STK33: variants seen among roughly 807,000 people sequenced by gnomAD.
The protein encoded by STK33 is serine/threonine kinase 33.
STK33 carries 52 observed loss-of-function variants against 58.0 expected under a neutral mutation model. The ratio of observed to expected loss-of-function variants is 0.90; its 90% confidence interval spans 0.72 to 1.13. The LOEUF (loss-of-function observed/expected upper bound fraction) is 1.13, where lower values mean the gene tolerates loss of function less well. Ranked by LOEUF, STK33 falls within the 50% of genes most tolerant of loss-of-function variation. The pLI is 0.00. For missense variants in STK33, 630 were observed against 604.2 expected, an observed-to-expected ratio of 1.04 and a Z score of -0.45; for synonymous variants, 215 against 200.1, an observed-to-expected ratio of 1.07 and a Z score of -0.63.
At chr11:8,337,638 C>T in the STK33 span, among the ~76,000 whole-genome samples, 23 of 4,874 alleles carry the variant, frequency 4.7e-3, no homozygotes, top group African/African-American at 0.014. Context: ...TTGACGACGG[C>T]GGGGGGCGGG....
intron 1 of STK33, among the ~76,000 whole-genome samples, chr11:8,515,391 CTAG>C (rs1262270043): frequency 6.6e-6 from 1 of 152,100 alleles, no homozygotes; most frequent in Non-Finnish European, 1.5e-5. Flanking sequence ...AGATCTATAA[CTAG>C]TATGGCAATT....
intron 6 of STK33, chr11:8,466,892 C>T (rs1299568593): frequency 1.3e-5 from 2 of 152,274 alleles, no homozygotes; most frequent in African/African-American, 2.4e-5. Context: ...TGTGCACTCG[C>T]AGACTCAACA....
rs551603090 is a variant in STK33 at position 8,566,850 on chromosome 11, A to C, written c.-466+27233T>G. 8.5e-5 allele frequency among the ~76,000 whole-genome samples: 13 copies of C among 152,332 alleles called. No homozygotes were observed. In the South Asian group the frequency reaches 2.7e-3, roughly 32 times the overall value. On this transcript the variant is annotated intron_variant, in intron 1 of 15. Transcript: ENST00000687296. ...TTCTCAGGACTTTAATACAGTTATA[A>C]CTGTCGAACCTATGACATTGTTAAA...
At chr11:8,345,699 A>G in the STK33 span, among the ~76,000 whole-genome samples, 1 of 152,212 alleles carries the variant, frequency 6.6e-6, no homozygotes, top group Non-Finnish European at 1.5e-5. Context: ...AACTCCATCA[A>G]GATGCTGAAG....
intron 15 of STK33, among the ~76,000 whole-genome samples, chr11:8,409,545 G>C (rs1939852104): frequency 6.6e-6 from 1 of 152,078 alleles, no homozygotes; most frequent in Non-Finnish European, 1.5e-5. Context: ...TTACAGGAAA[G>C]GAATAATTAA....
intron 1 of STK33, among the ~76,000 whole-genome samples, chr11:8,494,807 T>C (rs1341309940): frequency 3.9e-5 from 6 of 152,220 alleles, no homozygotes; most frequent in Non-Finnish European, 7.3e-5. Flanking sequence ...TACAACCATC[T>C]GATCTTTGAC....
intron 15 of STK33, among the ~76,000 whole-genome samples, chr11:8,405,766 T>C (rs1939025000): frequency 6.6e-6 from 1 of 152,196 alleles, no homozygotes; most frequent in African/African-American, 2.4e-5. Flanking sequence ...TCTTCCCTCA[T>C]ATATATCTAC....
At chr11:8,510,268 T>C (rs1349137062) in intron 1 of STK33, among the ~76,000 whole-genome samples, 1 of 152,240 alleles carries the variant, frequency 6.6e-6, no homozygotes, top group East Asian at 1.9e-4. Flanking sequence ...TTGAGCATTT[T>C]TCATAAGTTT....
chr11:8,511,150 C>G (rs1280714834), intron 1 of STK33, among the ~76,000 whole-genome samples: 1 of 152,114 alleles, frequency 6.6e-6, no homozygotes, highest in Non-Finnish European at 1.5e-5. Flanking sequence ...TTGTTTTTGT[C>G]ACCTATGATT....
chr11:8,390,713 G>C (rs1848609059), downstream of STK33, among the ~76,000 whole-genome samples: 1 of 152,292 alleles, frequency 6.6e-6, no homozygotes, highest in East Asian at 1.9e-4. Context: ...GCCTTGCCTG[G>C]TGTGAGGTGG....
intron 6 of STK33, chr11:8,466,727 G>A (rs1948231074): frequency 6.6e-6 from 1 of 152,212 alleles, no homozygotes; most frequent in Admixed American, 6.5e-5. Context: ...ACTCTGTGTG[G>A]GGGCTCCCAC....
chr11:8,491,555 C>T (rs1950612542), intron 1 of STK33, among the ~76,000 whole-genome samples: 1 of 152,160 alleles, frequency 6.6e-6, no homozygotes, highest in Admixed American at 6.5e-5. Flanking sequence ...CCCAACCTAG[C>T]AAGGCAGGCC....
rs746804215 is a variant in STK33, at chr11:8,547,162, C to T, written c.-466+46921G>A. Among the ~76,000 whole-genome samples the T allele has an allele frequency of 5.3e-5, 8 of 152,174 alleles. No individual in the cohort carries two copies. The South Asian group carries it at 1.0e-3, about 20-fold the overall frequency. ...TGATTTGCATTTCCCTTATGATTAGCGATAAGAATTTTTTCATATAGAGTT... is the reference window on the plus strand; with the variant it reads ...TGATTTGCATTTCCCTTATGATTAGTGATAAGAATTTTTTCATATAGAGTT... On this transcript the variant is annotated intron_variant, in intron 1 of 15. Coordinates refer to ENST00000687296, the MANE Select transcript of STK33 (RefSeq NM_001352389.2).
chr11:8,464,025 T>C (rs1030112027), intron 7 of STK33, among the ~76,000 whole-genome samples: 3 of 152,242 alleles, frequency 2.0e-5, no homozygotes, highest in Non-Finnish European at 4.4e-5. Flanking sequence ...ACCATTTTGT[T>C]TTTTAAATGT....
In STK33 at chr11:8,550,611, A is replaced by C. The variant is rs892296256; in HGVS notation, c.-466+43472T>G. Reference sequence around the variant, plus strand: ...CCTAAATCATCTCTCTCAAGTTCAAAGTTCCACAAATCTCTAGGGCAGGTG... The same window carrying C: ...CCTAAATCATCTCTCTCAAGTTCAACGTTCCACAAATCTCTAGGGCAGGTG... On this transcript the variant is annotated intron_variant, in intron 1 of 15. Coordinates refer to ENST00000687296, the MANE Select transcript of STK33 (RefSeq NM_001352389.2). Among the ~76,000 whole-genome samples the C allele has an allele frequency of 2.0e-5, 3 of 152,236 alleles. No individual in the cohort carries two copies. In the East Asian group the frequency reaches 5.8e-4, roughly 29 times the overall value.
At chr11:8,436,547 T>C (rs745734236) in intron 12 of STK33, among the ~76,000 whole-genome samples, 3 of 152,264 alleles carry the variant, frequency 2.0e-5, no homozygotes, top group South Asian at 2.1e-4. Flanking sequence ...TTAAGGAACA[T>C]AATGCAAATT....
chr11:8,546,834 C>A (rs562749196), intron 1 of STK33, among the ~76,000 whole-genome samples: 1 of 152,312 alleles, frequency 6.6e-6, no homozygotes, highest in East Asian at 1.9e-4. Flanking sequence ...CATTCATCCA[C>A]TGATGGGCAC....
chr11:8,428,535 G>A (rs1184153808), intron 14 of STK33, among the ~76,000 whole-genome samples: 1 of 152,114 alleles, frequency 6.6e-6, no homozygotes, highest in Non-Finnish European at 1.5e-5. Context: ...ACAGTATCTT[G>A]GCAGGAACCA....
chr11:8,448,677 A>G (rs893049365), intron 11 of STK33, among the ~76,000 whole-genome samples: 1 of 152,208 alleles, frequency 6.6e-6, no homozygotes, highest in Non-Finnish European at 1.5e-5. Context: ...AACCATAAAA[A>G]CCCTAGAAGA....
Sources: gnomAD v4.1 joint callset for allele counts (sites outside exome capture counted in the v4.1 genomes callset) on GRCh38, gnomAD v4.1.1 for gene constraint, MANE v1.5 for transcripts, NCBI Gene and HGNC (gene_info 2026-07-23, HGNC 2026-07-21) for gene names.